CAMK4: variants seen among roughly 807,000 people sequenced by gnomAD.
CAMK4 encodes the protein calcium/calmodulin-dependent protein kinase type IV.
CAMK4 carries 22 observed loss-of-function variants against 44.9 expected under a neutral mutation model. That is an observed-to-expected ratio of 0.49 (90% confidence interval 0.35 to 0.70). The LOEUF (loss-of-function observed/expected upper bound fraction) is 0.70. Ranked by LOEUF, CAMK4 falls within the 30% of genes least tolerant of loss-of-function variation. The pLI is 0.01. For synonymous variants in CAMK4, 218 were observed against 215.4 expected (o/e 1.01, Z -0.11); for missense variants, 498 against 586.8 (o/e 0.85, Z 1.56).
chr5:111,257,024 G>A lies in CAMK4; in HGVS notation c.161+32380G>A, dbSNP rs527452637. On this transcript the variant is annotated intron_variant, in intron 1 of 10. Transcript: ENST00000282356. Reference sequence around the variant, plus strand: ...CTCAAGATGGATTAAAGACTTAAATGTAAAACCCAAAACTGTAAAAACCCT... The same window carrying A: ...CTCAAGATGGATTAAAGACTTAAATATAAAACCCAAAACTGTAAAAACCCT... Among the ~76,000 whole-genome samples the A allele has an allele frequency of 2.2e-4, 34 of 152,232 alleles. No homozygotes were observed. In the South Asian group the frequency reaches 7.0e-3, roughly 32 times the overall value.
intron 1 of CAMK4, among the ~76,000 whole-genome samples, chr5:111,231,646 C>A (rs1429446529): frequency 6.6e-6 from 1 of 152,112 alleles, no homozygotes. Flanking sequence ...CTATGTATTA[C>A]CATAAGATTT....
intron 1 of CAMK4, among the ~76,000 whole-genome samples, chr5:111,284,247 A>AT (rs920626685): frequency 6.6e-6 from 1 of 151,954 alleles, no homozygotes; most frequent in Non-Finnish European, 1.5e-5. Context: ...TGGCTTTGAC[A>AT]TTTTTTTTAA....
intron 5 of CAMK4, among the ~76,000 whole-genome samples, chr5:111,405,348 G>A (rs935252015): frequency 1.1e-4 from 17 of 152,196 alleles, no homozygotes; most frequent in African/African-American, 4.1e-4. Context: ...TGCGCCTATA[G>A]TCCCAGCTAC....
At chr5:111,323,556 C>G (rs1748749451) in intron 1 of CAMK4, among the ~76,000 whole-genome samples, 1 of 151,212 alleles carries the variant, frequency 6.6e-6, no homozygotes, top group African/African-American at 2.4e-5. Flanking sequence ...GACTAATGTC[C>G]CATTTGAAAA....
At chr5:111,442,268 T>G (rs1753851238) in intron 5 of CAMK4, among the ~76,000 whole-genome samples, 1 of 151,996 alleles carries the variant, frequency 6.6e-6, no homozygotes, top group African/African-American at 2.4e-5. Context: ...CCGAGGCAGG[T>G]GGATCACCCG....
rs139363330 is a variant in CAMK4, at chr5:111,384,277, C to G, written c.386+7335C>G. Among the ~76,000 whole-genome samples, 11 of 152,270 alleles carry G rather than the reference C, an allele frequency of 7.2e-5. No homozygotes were observed. The East Asian group carries it at 1.9e-3, about 27-fold the overall frequency. Reference sequence around the variant, plus strand: ...TGTAGCATTATATATTACTGGCTTACTCCTTCATATCATTCATGGAGTTTT... The same window carrying G: ...TGTAGCATTATATATTACTGGCTTAGTCCTTCATATCATTCATGGAGTTTT... On this transcript the variant is annotated intron_variant, in intron 4 of 10. Transcript: ENST00000282356.
chr5:111,341,424 A>G (rs1010841415), intron 1 of CAMK4, among the ~76,000 whole-genome samples: 1 of 151,040 alleles, frequency 6.6e-6, no homozygotes, highest in Non-Finnish European at 1.5e-5. Context: ...TTACATATGG[A>G]TATCTAGTCA....
At chr5:111,338,720 A>G (rs11241115) in intron 1 of CAMK4, among the ~76,000 whole-genome samples, 45,008 of 151,126 alleles carry the variant, frequency 0.3, 8,152 homozygotes, top group Non-Finnish European at 0.4. Context: ...AATAGGGAGA[A>G]CTTTTCCCAT....
intron 5 of CAMK4, among the ~76,000 whole-genome samples, chr5:111,421,861 A>G (rs527484257): frequency 3.3e-5 from 5 of 152,262 alleles, no homozygotes; most frequent in South Asian, 4.1e-4. Flanking sequence ...AGTTTTTCCC[A>G]TGCTGTTCTC....
chr5:111,430,044 T>G (rs78777146), intron 5 of CAMK4, among the ~76,000 whole-genome samples: 5 of 152,064 alleles, frequency 3.3e-5, no homozygotes, highest in Admixed American at 2.6e-4. Flanking sequence ...GTATCTGTGA[T>G]GAACATTGAT....
chr5:111,353,826 C>T (rs1181775687), intron 2 of CAMK4, among the ~76,000 whole-genome samples: 1 of 152,028 alleles, frequency 6.6e-6, no homozygotes. Context: ...AACTGTAAAA[C>T]ATTGATGAAA....
chr5:111,352,107 G>T (rs987695937), intron 2 of CAMK4, among the ~76,000 whole-genome samples: 2 of 151,988 alleles, frequency 1.3e-5, no homozygotes, highest in Non-Finnish European at 2.9e-5. Flanking sequence ...TGCTATCATT[G>T]GGGATTTAGG....
intron 1 of CAMK4, among the ~76,000 whole-genome samples, chr5:111,239,192 C>T (rs1040537739): frequency 6.6e-6 from 1 of 152,158 alleles, no homozygotes; most frequent in African/African-American, 2.4e-5. Flanking sequence ...CCCAGTATTC[C>T]TCTGGGTCTT....
intron 1 of CAMK4, among the ~76,000 whole-genome samples, chr5:111,235,965 G>C (rs1453695804): frequency 6.6e-6 from 1 of 152,220 alleles, no homozygotes; most frequent in Non-Finnish European, 1.5e-5. Context: ...GCTGAGCAAG[G>C]CAGGGGCTAA....
intron 1 of CAMK4, among the ~76,000 whole-genome samples, chr5:111,276,149 T>G (rs1051057489): frequency 9.9e-5 from 15 of 152,234 alleles, no homozygotes; most frequent in African/African-American, 3.6e-4. Flanking sequence ...TACTGAAGCA[T>G]TCCCTCCAGT....
At chr5:111,310,829 CATTT>C (rs894421648) in intron 1 of CAMK4, among the ~76,000 whole-genome samples, 4 of 152,016 alleles carry the variant, frequency 2.6e-5, no homozygotes, top group African/African-American at 4.8e-5. Flanking sequence ...GTATATGAAA[CATTT>C]ATTTATGTGC....
chr5:111,489,127 G>T lies in CAMK4; in HGVS notation c.*4661G>T, dbSNP rs1053990667. 6.6e-6 allele frequency: 1 copy of T among 152,008 alleles called. No individual in the cohort carries two copies. The highest frequency in any genetic ancestry group is 1.5e-5 in the Non-Finnish European group (1 of 68,002). The allele number at this position is 152,008 out of a possible 1,614,324, so 9.4% of individuals were successfully genotyped here. ...TTGTGTACATGTTATTTCACTATTG[G>T]TATTACAATATTCATAACCACATGA... On this transcript the variant is annotated 3_prime_UTR_variant, in exon 11 of 11. Transcript: ENST00000282356.
In CAMK4 at chr5:111,275,869, A is replaced by T. The variant is rs544521814; in HGVS notation, c.161+51225A>T. 2.0e-5 allele frequency among the ~76,000 whole-genome samples: 3 copies of T among 152,294 alleles called. No individual in the cohort carries two copies. In the East Asian group the frequency reaches 5.8e-4, roughly 29 times the overall value. On this transcript the variant is annotated intron_variant, in intron 1 of 10. Coordinates refer to ENST00000282356, the MANE Select transcript of CAMK4 (RefSeq NM_001744.6). ...TCATCATTACACATTATATACATGT[A>T]TAAAAAGAGTCACATATACCCCCAA...
intron 1 of CAMK4, among the ~76,000 whole-genome samples, chr5:111,265,457 C>T (rs983542441): frequency 2.0e-5 from 3 of 152,114 alleles, no homozygotes; most frequent in Admixed American, 6.5e-5. Context: ...AGCATATTCG[C>T]GGGTAGTCGG....
Sources: allele counts gnomAD v4.1 joint callset (sites outside exome capture counted in the v4.1 genomes callset), GRCh38; gene constraint gnomAD v4.1.1; transcripts MANE v1.5; gene names NCBI Gene and HGNC (gene_info 2026-07-23, HGNC 2026-07-21).